Variants in ME3 observed in about 807,000 individuals in gnomAD.
The protein encoded by ME3 is NADP-dependent malic enzyme, mitochondrial.
Under a neutral mutation model 68.9 loss-of-function variants are expected in ME3, and 48 were observed. That is an observed-to-expected ratio of 0.70 (90% CI 0.55 to 0.89). The LOEUF (loss-of-function observed/expected upper bound fraction) is 0.89. Among genes scored for constraint, ME3 ranks in the 40% least tolerant of loss-of-function variants. The probability of loss-of-function intolerance (pLI) is 0.00; values close to 1 mark genes in which losing one functional copy is unlikely to be tolerated. For synonymous variants in ME3, 320 were observed against 318.8 expected, an observed-to-expected ratio of 1.00 and a Z score of -0.04; for missense variants, 675 against 797.4, an observed-to-expected ratio of 0.85 and a Z score of 1.85.
chr11:86,647,303 T>C (rs1945082119), intron 2 of ME3, among the ~76,000 whole-genome samples: 1 of 151,960 alleles, frequency 6.6e-6, no homozygotes, highest in Non-Finnish European at 1.5e-5. Flanking sequence ...GCTAACACAG[T>C]GAAACCCCAT....
At chr11:86,607,446 G>A (rs1450099172) in intron 2 of ME3, among the ~76,000 whole-genome samples, 2 of 129,040 alleles carry the variant, frequency 1.5e-5, no homozygotes, top group Admixed American at 1.6e-4. Context: ...TGAGTTGAGA[G>A]GCATAGTTTT....
At chr11:86,533,341 G>C (rs1473227300) in intron 4 of ME3, among the ~76,000 whole-genome samples, 2 of 151,978 alleles carry the variant, frequency 1.3e-5, no homozygotes, top group Non-Finnish European at 2.9e-5. Flanking sequence ...AAATACAAAA[G>C]ATCATAAAAG....
chr11:86,495,218 AAG>A (rs1952247295), intron 6 of ME3, among the ~76,000 whole-genome samples: 1 of 152,190 alleles, frequency 6.6e-6, no homozygotes, highest in African/African-American at 2.4e-5. Context: ...TGCTGTAAAA[AAG>A]AGGGTAATGA....
intron 2 of ME3, among the ~76,000 whole-genome samples, chr11:86,620,463 T>A (rs1019820589): frequency 2.6e-5 from 4 of 152,240 alleles, no homozygotes; most frequent in African/African-American, 7.2e-5. Flanking sequence ...TTTTCTAATA[T>A]GTTGTATACT....
chr11:86,460,871 G>T lies in ME3; in HGVS notation c.919+4220C>A, dbSNP rs145513672. On this transcript the variant is annotated intron_variant, in intron 8 of 14. Coordinates refer to ENST00000543262, the Ensembl canonical transcript of ME3. ...TCTGCCATGTTGGCTCATTAGTCCT[G>T]GAATTCCTTACCAGTCTTCTCATTG... is the stretch of plus-strand genomic sequence containing the variant. Among the ~76,000 whole-genome samples, 816 of 152,316 alleles carry T rather than the reference G, an allele frequency of 5.4e-3. 3 individuals carry two copies. The highest frequency in any genetic ancestry group is 0.018 in the African/African-American group (758 of 41,564).
Position 86,655,328 on chromosome 11 carries a change from C to T in ME3, c.183+16434G>A, listed in dbSNP as rs567734255. Among the ~76,000 whole-genome samples, 509 of 152,200 alleles carry T rather than the reference C, an allele frequency of 3.3e-3. 4 individuals carry two copies. Among genetic ancestry groups the T allele is most frequent in the African/African-American group, 0.011 (465 of 41,528 alleles). ...CAAAAGAACAAAGCTGGAGGCATCA[C>T]GCTACCTGACTTCAAACTATACTAC... On this transcript the variant is annotated intron_variant, in intron 2 of 14. Coordinates refer to ENST00000543262, the Ensembl canonical transcript of ME3.
intron 4 of ME3, among the ~76,000 whole-genome samples, chr11:86,529,575 T>C (rs1329780775): frequency 6.6e-6 from 1 of 152,174 alleles, no homozygotes; most frequent in Non-Finnish European, 1.5e-5. Context: ...TTTAGACCAA[T>C]ATCCCTGATG....
chr11:86,587,414 T>A (rs756619393), intron 2 of ME3, among the ~76,000 whole-genome samples: 2 of 152,316 alleles, frequency 1.3e-5, no homozygotes, highest in Non-Finnish European at 1.5e-5. Context: ...TTTTAAGCAG[T>A]GGCAAGATGT....
intron 2 of ME3, among the ~76,000 whole-genome samples, chr11:86,649,368 G>C (rs1482752045): frequency 6.6e-6 from 1 of 152,148 alleles, no homozygotes; most frequent in Non-Finnish European, 1.5e-5. Flanking sequence ...TACTGAATGG[G>C]CACAAGCTGG....
chr11:86,609,004 C>T (rs1055821904), intron 2 of ME3, among the ~76,000 whole-genome samples: 2 of 152,224 alleles, frequency 1.3e-5, no homozygotes, highest in African/African-American at 4.8e-5. Context: ...AAACACTTTA[C>T]TGGCATTTTT....
rs1411442718 is a variant in ME3 at position 86,556,674 on chromosome 11, GGTCTTGGAGT to G, written c.336_345del (p.Leu113GlyfsTer10). ...ACTCGGTAGAAGAGCTTCTCGTTCC[GGTCTTGGAGT>G]GTCATGAGAATGATGTACCTTGTAA... On this transcript the variant is annotated frameshift_variant, in exon 4 of 15. Transcript: ENST00000543262. LOFTEE classifies it high-confidence loss of function. The G allele has an allele frequency of 1.2e-6, 2 of 1,613,956 alleles. No individual in the cohort carries two copies. Among genetic ancestry groups the G allele is most frequent in the Non-Finnish European group, 1.7e-6 (2 of 1,179,968 alleles).
At position 86,448,140 on chromosome 11, in the gene ME3, C is replaced by T. The variant is rs1451405346; in HGVS notation, c.1237+10G>A. On this transcript the variant is annotated intron_variant, in intron 11 of 14. Transcript: ENST00000543262. ...CTGGGCTGGGTAGTGGGTACCCTCC[C>T]TCCTCCTACCTATGATGGCTGTGGG... 2 of 1,594,056 alleles carry T rather than the reference C, an allele frequency of 1.3e-6. No individual in the cohort carries two copies. The highest frequency in any genetic ancestry group is 3.3e-5 in the Admixed American group (2 of 59,970).
intron 2 of ME3, 170 bp downstream of exon 2, chr11:86,671,592 A>G (rs1946946421): frequency 1.1e-5 from 8 of 716,430 alleles, no homozygotes; most frequent in African/African-American, 1.9e-5. Flanking sequence ...TAAAAGGGAG[A>G]GGAGGGACAA....
intron 2 of ME3, among the ~76,000 whole-genome samples, chr11:86,651,720 C>T (rs566190497): frequency 6.6e-6 from 1 of 152,218 alleles, no homozygotes; most frequent in Non-Finnish European, 1.5e-5. Context: ...AGCTCCTCTC[C>T]AGCAATGGAA....
chr11:86,448,223 C>T (rs1160966163), exon 11 of ME3: 1 of 1,614,190 alleles, frequency 6.2e-7, no homozygotes, highest in Admixed American at 1.7e-5. Context: ...CTTGGGCAAA[C>T]ATCTCCTTTT....
intron 5 of ME3, among the ~76,000 whole-genome samples, chr11:86,502,361 G>A (rs1952782608): frequency 6.6e-6 from 1 of 151,996 alleles, no homozygotes; most frequent in Non-Finnish European, 1.5e-5. Context: ...ACATTTCCTT[G>A]TGCTTCACAG....
At chr11:86,670,015 T>C (rs937132139) in intron 2 of ME3, among the ~76,000 whole-genome samples, 3 of 152,172 alleles carry the variant, frequency 2.0e-5, no homozygotes, top group Admixed American at 6.5e-5. Flanking sequence ...AGGATCTATA[T>C]TCCCTTTATT....
intron 2 of ME3, among the ~76,000 whole-genome samples, chr11:86,620,213 A>C (rs747296885): frequency 1.3e-4 from 20 of 152,316 alleles, no homozygotes; most frequent in Non-Finnish European, 5.9e-5. Flanking sequence ...TCTTAAACAG[A>C]GTTAATGAAT....
chr11:86,475,733 G>A (rs1474554357), intron 7 of ME3, among the ~76,000 whole-genome samples: 2 of 151,912 alleles, frequency 1.3e-5, no homozygotes, highest in African/African-American at 2.4e-5. Context: ...TCAAATGAGT[G>A]GGTTGTTTCT....
Sources: gnomAD v4.1 joint callset for allele counts (sites outside exome capture counted in the v4.1 genomes callset) on GRCh38, gnomAD v4.1.1 for gene constraint, MANE v1.5 for transcripts, NCBI Gene and HGNC (gene_info 2026-07-23, HGNC 2026-07-21) for gene names.